Variants in IGF1R observed in about 807,000 individuals in gnomAD.
IGF1R encodes the protein insulin like growth factor 1 receptor.
IGF1R carries 44 observed loss-of-function variants against 144.6 expected under a neutral mutation model. That is an observed-to-expected ratio of 0.30 (90% CI 0.24 to 0.39). The LOEUF is 0.39. Ranked by LOEUF, IGF1R falls within the 10% of genes least tolerant of loss-of-function variation. The probability of loss-of-function intolerance (pLI) is 1.00; values close to 1 mark genes in which losing one functional copy is unlikely to be tolerated. For synonymous variants in IGF1R, 795 were observed against 722.8 expected (o/e 1.10, Z -1.60); for missense variants, 1,355 against 1,833.7 (o/e 0.74, Z 4.77).
At chr15:98,675,630 C>T (rs1333791195) in intron 1 of IGF1R, among the ~76,000 whole-genome samples, 4 of 152,000 alleles carry the variant, frequency 2.6e-5, no homozygotes, top group African/African-American at 9.7e-5. Flanking sequence ...ATACTCAAGT[C>T]AAAATCGGTT....
At chr15:98,713,987 T>C (rs965559774) in intron 2 of IGF1R, among the ~76,000 whole-genome samples, 18 of 152,176 alleles carry the variant, frequency 1.2e-4, no homozygotes, top group African/African-American at 4.1e-4. Context: ...TAAAAGGGCA[T>C]TGACTGGGAG....
rs535538672 is a variant in IGF1R, at chr15:98,758,368, T to C, written c.640+50261T>C. Among the ~76,000 whole-genome samples the C allele has an allele frequency of 2.6e-5, 4 of 152,284 alleles. No homozygotes were observed. The South Asian group carries it at 8.3e-4, about 32-fold the overall frequency. On this transcript the variant is annotated intron_variant, in intron 2 of 20. Transcript: ENST00000650285. ...TGAGCTTGGTCACCCTCCCTCAGGC[T>C]CCTGCGTCGTCCTCAGTGGGTCATG...
intron 2 of IGF1R, among the ~76,000 whole-genome samples, chr15:98,887,003 C>T (rs2141645857): frequency 6.6e-6 from 1 of 152,324 alleles, no homozygotes; most frequent in East Asian, 1.9e-4. Context: ...CATCACATTC[C>T]ATTGCTGCCC....
At chr15:98,818,414 C>T (rs2056738980) in intron 2 of IGF1R, among the ~76,000 whole-genome samples, 1 of 152,098 alleles carries the variant, frequency 6.6e-6, no homozygotes, top group Admixed American at 6.6e-5. Flanking sequence ...AGTCTAGCTG[C>T]TGGGTGGAGA....
At chr15:98,776,942 C>T (rs1224930029) in intron 2 of IGF1R, among the ~76,000 whole-genome samples, 1 of 152,228 alleles carries the variant, frequency 6.6e-6, no homozygotes, top group Non-Finnish European at 1.5e-5. Context: ...AGGAAAATTC[C>T]TCACTGAAGG....
intron 2 of IGF1R, among the ~76,000 whole-genome samples, chr15:98,752,126 ATACCTGGCAGTTGCTCATT>A (rs2055027020): frequency 6.6e-6 from 1 of 152,156 alleles, no homozygotes; most frequent in South Asian, 2.1e-4. Context: ...AGTTGCTCAG[ATACCTGGCAGTTGCTCATT>A]TACCCTTCCA....
rs2017124105 is a variant in IGF1R at position 98,959,056 on chromosome 15, CAGTG to C, written c.*1615_*1618del. ...GCCCTCACAGCATTGGAGCCTGTTA[CAGTG>C]CAAGACATGATACAAACTCAGGTCA... On this transcript the variant is annotated 3_prime_UTR_variant, in exon 21 of 21. Coordinates refer to ENST00000650285, the MANE Select transcript of IGF1R (RefSeq NM_000875.5). The C allele has an allele frequency of 4.3e-6, 1 of 233,160 alleles. No homozygotes were observed. Among genetic ancestry groups the C allele is most frequent in the Non-Finnish European group, 8.5e-6 (1 of 118,036 alleles). 14.4% of individuals were successfully genotyped at this position (233,160 alleles called of 1,614,324 possible). A position where few individuals can be genotyped will look rare whatever the true frequency, so the allele number is the denominator to read the frequency against.
At chr15:98,822,835 A>C (rs911090420) in intron 2 of IGF1R, among the ~76,000 whole-genome samples, 1 of 152,102 alleles carries the variant, frequency 6.6e-6, no homozygotes, top group Non-Finnish European at 1.5e-5. Flanking sequence ...GAAATAAATT[A>C]AGAATAATTA....
intron 2 of IGF1R, among the ~76,000 whole-genome samples, chr15:98,720,479 G>A (rs1230742159): frequency 2.6e-5 from 4 of 152,132 alleles, no homozygotes; most frequent in East Asian, 3.9e-4. Context: ...TGAAGCAGTC[G>A]AACTTTTTAG....
At chr15:98,925,116 A>G (rs189055739) in intron 13 of IGF1R, among the ~76,000 whole-genome samples, 277 of 152,220 alleles carry the variant, frequency 1.8e-3, no homozygotes, top group African/African-American at 6.2e-3. Flanking sequence ...AAGGGGTGTA[A>G]GGAACTCCAG....
chr15:98,943,976 C>G (rs917562988), intron 19 of IGF1R, among the ~76,000 whole-genome samples: 1 of 152,046 alleles, frequency 6.6e-6, no homozygotes, highest in Admixed American at 6.6e-5. Flanking sequence ...TGAATATGAC[C>G]CGGCAAAGCA....
At chr15:98,887,233 A>G (rs1470502378) in intron 2 of IGF1R, among the ~76,000 whole-genome samples, 1 of 151,964 alleles carries the variant, frequency 6.6e-6, no homozygotes, top group African/African-American at 2.4e-5. Flanking sequence ...TGGATGGTAT[A>G]ATTTCACTCA....
intron 2 of IGF1R, 85 bp downstream of exon 2, chr15:98,708,192 G>A (rs528165474): frequency 1.4e-5 from 16 of 1,173,506 alleles, no homozygotes; most frequent in South Asian, 3.7e-5. Flanking sequence ...CTGAGTGCAC[G>A]AGTTCCGCTG....
intron 1 of IGF1R, among the ~76,000 whole-genome samples, chr15:98,706,049 G>A (rs1330860934): frequency 4.6e-5 from 7 of 152,306 alleles, no homozygotes; most frequent in Admixed American, 1.3e-4. Context: ...CCCTTAGCAC[G>A]GTGGCACAAA....
At chr15:98,651,844 C>A (rs1465522909) in intron 1 of IGF1R, among the ~76,000 whole-genome samples, 1 of 152,174 alleles carries the variant, frequency 6.6e-6, no homozygotes, top group Non-Finnish European at 1.5e-5. Context: ...TTGCTGAAGT[C>A]TTGACTGACT....
chr15:98,739,607 A>G (rs1303373604), intron 2 of IGF1R, among the ~76,000 whole-genome samples: 3 of 35,350 alleles, frequency 8.5e-5, no homozygotes, highest in Admixed American at 2.4e-4. Flanking sequence ...TACCTTTGCT[A>G]AAAAGAAAAA....
rs151055721 is a variant in IGF1R at position 98,918,155 on chromosome 15, A to G, written c.2201+1279A>G. Among the ~76,000 whole-genome samples, 52 of 152,316 alleles carry G rather than the reference A, an allele frequency of 3.4e-4. No homozygotes were observed. The East Asian group carries it at 9.8e-3, about 29-fold the overall frequency. Reference sequence around the variant, plus strand: ...TGGCCCCCTCTTCCTGTAAGATTATAGTGCAGATTTTGGAAACGACCTCAT... The same window carrying G: ...TGGCCCCCTCTTCCTGTAAGATTATGGTGCAGATTTTGGAAACGACCTCAT... On this transcript the variant is annotated intron_variant, in intron 10 of 20. Coordinates refer to ENST00000650285, the MANE Select transcript of IGF1R (RefSeq NM_000875.5).
chr15:98,685,798 C>T (rs1301938892), intron 1 of IGF1R, among the ~76,000 whole-genome samples: 1 of 152,232 alleles, frequency 6.6e-6, no homozygotes, highest in Non-Finnish European at 1.5e-5. Context: ...AGCCTGATTG[C>T]CCAGCCTTGG....
intron 1 of IGF1R, among the ~76,000 whole-genome samples, chr15:98,655,053 T>G (rs1346819346): frequency 3.9e-5 from 6 of 152,220 alleles, no homozygotes; most frequent in Non-Finnish European, 8.8e-5. Context: ...AGTTCCACTA[T>G]TTGAAAAGAT....
Sources: allele counts gnomAD v4.1 joint callset (sites outside exome capture counted in the v4.1 genomes callset), GRCh38; gene constraint gnomAD v4.1.1; transcripts MANE v1.5; gene names NCBI Gene and HGNC (gene_info 2026-07-23, HGNC 2026-07-21).